The following DLG2 variants were observed in gnomAD, a reference collection of about 807,000 sequenced individuals.
The protein encoded by DLG2 is disks large homolog 2.
Under a neutral mutation model 132.5 loss-of-function variants are expected in DLG2, and 45 were observed. That is an observed-to-expected ratio of 0.34 (90% CI 0.27 to 0.44). The LOEUF (loss-of-function observed/expected upper bound fraction) is 0.44, where lower values mean the gene tolerates loss of function less well. Ranked by LOEUF, DLG2 falls within the 20% of genes least tolerant of loss-of-function variation. The probability of loss-of-function intolerance (pLI) is 1.00; values close to 1 mark genes in which losing one functional copy is unlikely to be tolerated. For synonymous variants in DLG2, 424 were observed against 419.6 expected (o/e 1.01, Z -0.13); for missense variants, 1,045 against 1,196.9 (o/e 0.87, Z 1.87).
In DLG2 at chr11:83,787,340, T is replaced by TTTG. The variant is rs66699053; in HGVS notation, c.1723-549_1723-548insCAA. 4.6e-3 allele frequency among the ~76,000 whole-genome samples: 474 copies of TTTG among 102,710 alleles called. 102 individuals carry two copies. Among genetic ancestry groups the TTTG allele is most frequent in the Middle Eastern group, 0.017 (2 of 120 alleles). 67.4% of individuals were successfully genotyped at this position (102,710 alleles called of 152,430 possible). ...TTTTTTTTGTTTTTTTTTTTTTTTT[T>TTTG]AGACAGAGTCTCGCTCTTTCGCCCA... On this transcript the variant is annotated intron_variant, in intron 17 of 27. Coordinates refer to ENST00000376104, the MANE Select transcript of DLG2 (RefSeq NM_001142699.3).
chr11:85,467,893 A>T (rs57113276), intron 3 of DLG2, among the ~76,000 whole-genome samples: 5,212 of 152,248 alleles, frequency 0.034, 283 homozygotes, highest in African/African-American at 0.12. Flanking sequence ...TGCTACCAGC[A>T]ACTCCTTGTA....
upstream of DLG2, among the ~76,000 whole-genome samples, chr11:85,628,332 G>T (rs906083214): frequency 6.6e-6 from 1 of 152,240 alleles, no homozygotes; most frequent in Non-Finnish European, 1.5e-5. Flanking sequence ...AGGACGCGAA[G>T]AGATCAGGGA....
chr11:85,557,222 T>A (rs552202045), intron 3 of DLG2, among the ~76,000 whole-genome samples: 48 of 151,748 alleles, frequency 3.2e-4, no homozygotes, highest in African/African-American at 1.1e-3. Context: ...TACACATACA[T>A]AAAATACCTA....
chr11:85,580,009 T>TC (rs1382956856), intron 3 of DLG2, among the ~76,000 whole-genome samples: 4 of 152,260 alleles, frequency 2.6e-5, no homozygotes, highest in African/African-American at 9.6e-5. Flanking sequence ...GGTAATTGAA[T>TC]CATGGGGTTG....
intron 8 of DLG2, among the ~76,000 whole-genome samples, chr11:84,245,622 G>C (rs2097292810): frequency 6.6e-6 from 1 of 152,048 alleles, no homozygotes; most frequent in Non-Finnish European, 1.5e-5. Flanking sequence ...GAAAGTAAAG[G>C]CATTGTACTG....
chr11:84,350,051 G>A (rs1292130653), intron 7 of DLG2, among the ~76,000 whole-genome samples: 1 of 151,852 alleles, frequency 6.6e-6, no homozygotes, highest in African/African-American at 2.4e-5. Flanking sequence ...GGTGGTGGGC[G>A]CCTGTAGTCC....
rs1463196276 is a variant in DLG2 at position 83,809,999 on chromosome 11, A to C, written c.1723-23207T>G. 3.3e-5 allele frequency among the ~76,000 whole-genome samples: 5 copies of C among 152,278 alleles called. No individual in the cohort carries two copies. The East Asian group carries it at 7.7e-4, about 23-fold the overall frequency. ...GGATTTTTGGATGAATAGGAGACTA[A>C]GCAAATAACTATGCATAAAAAGCAT... On this transcript the variant is annotated intron_variant, in intron 17 of 27. Transcript: ENST00000376104.
chr11:85,482,470 C>A (rs1445974240), intron 3 of DLG2, among the ~76,000 whole-genome samples: 1 of 152,198 alleles, frequency 6.6e-6, no homozygotes, highest in Non-Finnish European at 1.5e-5. Context: ...CCAGAAGAAC[C>A]AGTCCCCACG....
At chr11:84,472,380 A>C (rs2099110743) in intron 7 of DLG2, among the ~76,000 whole-genome samples, 1 of 151,916 alleles carries the variant, frequency 6.6e-6, no homozygotes, top group African/African-American at 2.4e-5. Context: ...GGTGAGATAA[A>C]TATTAAAATG....
At chr11:84,491,409 G>A (rs1015834017) in intron 7 of DLG2, among the ~76,000 whole-genome samples, 1 of 152,046 alleles carries the variant, frequency 6.6e-6, no homozygotes, top group Non-Finnish European at 1.5e-5. Flanking sequence ...GTGGGGCCTC[G>A]CCAGCCAGGT....
chr11:84,437,969 C>T (rs1271530049), intron 7 of DLG2, among the ~76,000 whole-genome samples: 2 of 152,176 alleles, frequency 1.3e-5, no homozygotes, highest in Admixed American at 1.3e-4. Context: ...GCAGGTAAAT[C>T]AGCCAATACA....
At chr11:85,555,540 T>C (rs1213911148) in intron 3 of DLG2, among the ~76,000 whole-genome samples, 2 of 151,918 alleles carry the variant, frequency 1.3e-5, no homozygotes, top group African/African-American at 2.4e-5. Context: ...CATCTCTTGT[T>C]TTTTCCCACC....
chr11:84,249,896 T>G (rs2097349727), intron 8 of DLG2, among the ~76,000 whole-genome samples: 1 of 152,304 alleles, frequency 6.6e-6, no homozygotes, highest in African/African-American at 2.4e-5. Context: ...GCTGTTATTC[T>G]TGTCCTGACC....
At chr11:84,317,236 C>CT in intron 7 of DLG2, 2 of 1,513,912 alleles carry the variant, frequency 1.3e-6, no homozygotes, top group East Asian at 2.3e-5. Flanking sequence ...TTGTAAAAGT[C>CT]TTTTTTCCAC....
chr11:84,875,125 T>C (rs1197381523), intron 6 of DLG2, among the ~76,000 whole-genome samples: 1 of 151,906 alleles, frequency 6.6e-6, no homozygotes, highest in African/African-American at 2.4e-5. Flanking sequence ...TGACCAAATG[T>C]CAAATGATGG....
intron 3 of DLG2, among the ~76,000 whole-genome samples, chr11:85,326,286 T>A (rs1368371529): frequency 1.4e-5 from 2 of 142,966 alleles, no homozygotes; most frequent in African/African-American, 2.6e-5. Context: ...ACAAAGATAC[T>A]CCTCGAGAAG....
chr11:83,461,933 AC>A (rs751336132), intron 27 of DLG2, 68 bp downstream of exon 27: 7 of 1,058,780 alleles, frequency 6.6e-6, no homozygotes, highest in Non-Finnish European at 8.9e-6. Context: ...CAGGCCCAGA[AC>A]CCTCTCTGTG....
At chr11:84,943,541 A>G (rs969155167) in intron 6 of DLG2, among the ~76,000 whole-genome samples, 1 of 152,130 alleles carries the variant, frequency 6.6e-6, no homozygotes, top group African/African-American at 2.4e-5. Flanking sequence ...TTTGCAAATA[A>G]TGCCTCGTAA....
intron 19 of DLG2, among the ~76,000 whole-genome samples, chr11:83,561,883 C>A: frequency 2.3e-5 from 2 of 87,946 alleles, no homozygotes; most frequent in South Asian, 4.0e-4. Context: ...GTATTTCTTT[C>A]TTTTTTTTTT....
Sources: gnomAD v4.1 joint callset for allele counts (sites outside exome capture counted in the v4.1 genomes callset) on GRCh38, gnomAD v4.1.1 for gene constraint, MANE v1.5 for transcripts, NCBI Gene and HGNC (gene_info 2026-07-23, HGNC 2026-07-21) for gene names.